Variants in ARB2A observed in about 807,000 individuals in gnomAD.
The protein encoded by ARB2A is cotranscriptional regulator ARB2A.
chr5:93,764,803 C>G, the ARB2A span, among the ~76,000 whole-genome samples: 1 of 152,184 alleles, frequency 6.6e-6, no homozygotes, highest in Admixed American at 6.5e-5. Context: ...CAATAAAATA[C>G]TGGCAAAATG....
chr5:93,636,695 G>C, the ARB2A span, among the ~76,000 whole-genome samples: 6 of 152,184 alleles, frequency 3.9e-5, no homozygotes, highest in Non-Finnish European at 7.3e-5. Flanking sequence ...TGAATATACA[G>C]CAGTCTGTTA....
the ARB2A span, among the ~76,000 whole-genome samples, chr5:94,018,835 A>G: frequency 6.6e-6 from 1 of 152,236 alleles, no homozygotes; most frequent in East Asian, 1.9e-4. Flanking sequence ...TGGAACGAAA[A>G]AACAACCCAT....
chr5:93,939,788 T>C, the ARB2A span, among the ~76,000 whole-genome samples: 2 of 152,134 alleles, frequency 1.3e-5, no homozygotes, highest in Admixed American at 6.5e-5. Flanking sequence ...CTTATTTTCA[T>C]TCAGAATTTA....
chr5:93,727,505 T>A, the ARB2A span, among the ~76,000 whole-genome samples: 2 of 152,120 alleles, frequency 1.3e-5, no homozygotes. Flanking sequence ...ATTACTTAAC[T>A]TCCATTTTCT....
At chr5:93,741,744 A>C in the ARB2A span, 3 of 660,942 alleles carry the variant, frequency 4.5e-6, no homozygotes, top group Non-Finnish European at 7.4e-6. Context: ...TCCTAGGGTT[A>C]AGGGAGTGAG....
the ARB2A span, among the ~76,000 whole-genome samples, chr5:94,096,548 T>C: frequency 7.9e-5 from 12 of 152,160 alleles, no homozygotes; most frequent in Non-Finnish European, 1.6e-4. Flanking sequence ...TAAAGAGCCA[T>C]TAAAGGGCCT....
chr5:93,620,715 A>T, the ARB2A span: 4 of 327,458 alleles, frequency 1.2e-5, no homozygotes, highest in South Asian at 1.4e-4. Flanking sequence ...CGGCCGAGCC[A>T]GGCAGGGCGC....
chr5:93,965,072 A>G, the ARB2A span, among the ~76,000 whole-genome samples: 4 of 152,062 alleles, frequency 2.6e-5, no homozygotes, highest in African/African-American at 9.7e-5. Flanking sequence ...ACCTGTGAAT[A>G]AGTTATGTGA....
chr5:93,648,881 T>A, the ARB2A span, among the ~76,000 whole-genome samples: 1 of 152,176 alleles, frequency 6.6e-6, no homozygotes, highest in Non-Finnish European at 1.5e-5. Context: ...GAATTTCAGA[T>A]TGTTAACCTA....
chr5:93,768,807 C>G, the ARB2A span, among the ~76,000 whole-genome samples: 6 of 152,002 alleles, frequency 3.9e-5, no homozygotes, highest in Non-Finnish European at 8.8e-5. Flanking sequence ...TGGTCTCAAA[C>G]TCCTGGCCTC....
chr5:93,778,003 G>A, the ARB2A span, among the ~76,000 whole-genome samples: 2 of 152,066 alleles, frequency 1.3e-5, no homozygotes, highest in Admixed American at 6.6e-5. Context: ...GTAGATCAAT[G>A]AAACTATTGA....
chr5:93,728,790 T>A, the ARB2A span, among the ~76,000 whole-genome samples: 4 of 152,074 alleles, frequency 2.6e-5, no homozygotes, highest in African/African-American at 9.7e-5. Flanking sequence ...GGAAGAATTA[T>A]TTTTTGTCTT....
chr5:94,051,624 G>A, the ARB2A span, among the ~76,000 whole-genome samples: 3 of 152,164 alleles, frequency 2.0e-5, no homozygotes, highest in South Asian at 2.1e-4. Context: ...AGGACTCTAC[G>A]TGATGCATAC....
the ARB2A span, among the ~76,000 whole-genome samples, chr5:93,655,506 T>C: frequency 6.6e-6 from 1 of 152,178 alleles, no homozygotes; most frequent in African/African-American, 2.4e-5. Flanking sequence ...GGGCCTATAG[T>C]GAGGGCTTGT....
the ARB2A span, among the ~76,000 whole-genome samples, chr5:93,913,421 T>C: frequency 6.6e-6 from 1 of 151,904 alleles, no homozygotes; most frequent in East Asian, 1.9e-4. Flanking sequence ...AGCGTCCCCT[T>C]TTCTACCTCT....
At chr5:93,881,342 C>T in the ARB2A span, 330 of 663,690 alleles carry the variant, frequency 5.0e-4, 4 homozygotes, top group African/African-American at 4.1e-3. Flanking sequence ...TCCAAGTAGA[C>T]GACTATGGGA....
the ARB2A span, among the ~76,000 whole-genome samples, chr5:94,011,772 G>C: frequency 6.6e-6 from 1 of 151,518 alleles, no homozygotes; most frequent in East Asian, 1.9e-4. Context: ...GTCTAGTCCA[G>C]AGCAGAAAGA....
the ARB2A span, among the ~76,000 whole-genome samples, chr5:93,953,208 C>A: frequency 2.0e-5 from 3 of 152,216 alleles, no homozygotes; most frequent in East Asian, 5.8e-4. Context: ...TTGATGCTTG[C>A]GGATGTTTGT....
At chr5:94,062,512 T>C in the ARB2A span, among the ~76,000 whole-genome samples, 3 of 152,182 alleles carry the variant, frequency 2.0e-5, no homozygotes, top group East Asian at 5.8e-4. Flanking sequence ...GGGAAAAGGA[T>C]AAGTGAAAGA....
Sources: gnomAD v4.1 joint callset for allele counts (sites outside exome capture counted in the v4.1 genomes callset) on GRCh38, gnomAD v4.1.1 for gene constraint, MANE v1.5 for transcripts, NCBI Gene and HGNC (gene_info 2026-07-23, HGNC 2026-07-21) for gene names.